The following RGS22 variants were observed in gnomAD, a reference collection of about 807,000 sequenced individuals.
RGS22 encodes the protein regulator of G-protein signaling 22.
Under a neutral mutation model 172.9 loss-of-function variants are expected in RGS22, and 148 were observed. That is an observed-to-expected ratio of 0.86 (90% confidence interval 0.75 to 0.98). RGS22 has a LOEUF of 0.98. Among genes scored for constraint, RGS22 ranks in the 50% least tolerant of loss-of-function variants. The pLI is 0.00. For missense variants in RGS22, 1,347 were observed against 1,440.8 expected (o/e 0.93, Z 1.05); for synonymous variants, 458 against 480.2 (o/e 0.95, Z 0.60).
chr8:99,979,645 A>C (rs1435544342), intron 22 of RGS22, among the ~76,000 whole-genome samples: 2 of 152,214 alleles, frequency 1.3e-5, no homozygotes, highest in African/African-American at 4.8e-5. Flanking sequence ...TAAAACTGTC[A>C]GCAGTTTTAA....
At chr8:99,993,585 TA>T (rs1241822117) in intron 20 of RGS22, among the ~76,000 whole-genome samples, 4 of 152,124 alleles carry the variant, frequency 2.6e-5, no homozygotes, top group Admixed American at 2.6e-4. Context: ...AATCTCTGAA[TA>T]GACCAAAAAC....
At chr8:99,980,176 T>C (rs555624823) in intron 22 of RGS22, among the ~76,000 whole-genome samples, 1 of 152,290 alleles carries the variant, frequency 6.6e-6, no homozygotes, top group African/African-American at 2.4e-5. Flanking sequence ...GCAATCCTCC[T>C]GCCTTGGCCT....
chr8:100,094,880 G>C, intron 2 of RGS22, among the ~76,000 whole-genome samples: 1 of 152,148 alleles, frequency 6.6e-6, no homozygotes, highest in Non-Finnish European at 1.5e-5. Flanking sequence ...AATAAGGGTG[G>C]CCAAATTTGG....
chr8:100,066,308 G>C lies in RGS22; in HGVS notation c.595-12C>G. 1 of 1,609,886 alleles carries C rather than the reference G, an allele frequency of 6.2e-7. No homozygotes were observed. The highest frequency in any genetic ancestry group is 1.1e-5 in the South Asian group (1 of 90,770). On this transcript the variant is annotated splice_polypyrimidine_tract_variant and intron_variant, in intron 6 of 27. Coordinates refer to ENST00000360863, the MANE Select transcript of RGS22 (RefSeq NM_015668.5). ...TGAGTATAGGAAGCCTAGGAAGAAG[G>C]GAGCATATTAGTTTAACATATGATT...
chr8:100,041,453 G>T (rs1820104710), intron 12 of RGS22, among the ~76,000 whole-genome samples: 1 of 149,808 alleles, frequency 6.7e-6, no homozygotes, highest in Non-Finnish European at 1.5e-5. Context: ...CCATGCCACG[G>T]CACTCCAGCC....
At chr8:100,001,217 T>TACAC (rs1367620798) in intron 18 of RGS22, among the ~76,000 whole-genome samples, 8 of 124,384 alleles carry the variant, frequency 6.4e-5, no homozygotes, top group Admixed American at 1.7e-4. Context: ...TATATATATA[T>TACAC]ATACATATAT....
intron 14 of RGS22, among the ~76,000 whole-genome samples, chr8:100,033,457 G>A (rs1819075366): frequency 6.6e-6 from 1 of 151,178 alleles, no homozygotes; most frequent in African/African-American, 2.4e-5. Context: ...ACCCTCCCAA[G>A]ACTAAACCAG....
At chr8:99,984,558 G>A (rs1812875218) in intron 21 of RGS22, among the ~76,000 whole-genome samples, 1 of 151,986 alleles carries the variant, frequency 6.6e-6, no homozygotes, top group African/African-American at 2.4e-5. Context: ...CTCAGTCCAG[G>A]AGAGATGTCC....
rs1487921406 is a variant in RGS22, at chr8:100,091,342, T to C, written c.117+2105A>G. 3.5e-5 allele frequency among the ~76,000 whole-genome samples: 5 copies of C among 144,480 alleles called. No individual in the cohort carries two copies. The East Asian group carries it at 8.0e-4, about 23-fold the overall frequency. 94.8% of individuals were successfully genotyped at this position (144,480 alleles called of 152,430 possible). A position where few individuals can be genotyped will look rare whatever the true frequency, so the allele number is the denominator to read the frequency against. On this transcript the variant is annotated intron_variant, in intron 3 of 27. Transcript: ENST00000360863. ...GTAAAAACAGAAGGATTTGGAGAGA[T>C]GGAAAACAGGAAAAAGGCAGCCCAG... is the stretch of plus-strand genomic sequence containing the variant.
At chr8:100,032,937 A>C (rs1819001722) in intron 14 of RGS22, among the ~76,000 whole-genome samples, 1 of 152,224 alleles carries the variant, frequency 6.6e-6, no homozygotes, top group Non-Finnish European at 1.5e-5. Context: ...TAACGAAATG[A>C]AGGCAGAAAT....
At chr8:100,056,194 C>T (rs1197133985) in intron 9 of RGS22, among the ~76,000 whole-genome samples, 1 of 152,092 alleles carries the variant, frequency 6.6e-6, no homozygotes, top group Admixed American at 6.5e-5. Flanking sequence ...TTTGCCCCTG[C>T]CCCAGAGATC....
rs774883606 is a variant in RGS22 at position 100,047,494 on chromosome 8, C to T, written c.1792G>A (p.Gly598Ser). The T allele has an allele frequency of 1.2e-6, 2 of 1,605,500 alleles. No homozygotes were observed. The highest frequency in any genetic ancestry group is 2.3e-5 in the South Asian group (2 of 88,884). Residue 598 changes from glycine to serine, a missense_variant, in exon 11 of 28, where the codon GGT (glycine) becomes AGT (serine). Transcript: ENST00000360863. Reference sequence around the variant, plus strand: ...TCAATCACATCATCCTTAGAAGAACCTGGATACAAAAGCTCCCGCTTCCAA... The same window carrying T: ...TCAATCACATCATCCTTAGAAGAACTTGGATACAAAAGCTCCCGCTTCCAA... ...KPWKRELLYP[G>S]SSKDDVIEKG...
chr8:100,027,857 C>T (rs1214981457), intron 14 of RGS22, among the ~76,000 whole-genome samples: 1 of 152,112 alleles, frequency 6.6e-6, no homozygotes, highest in Non-Finnish European at 1.5e-5. Context: ...TTCCCATTTT[C>T]CTTCCTCATT....
chr8:100,021,393 C>A (rs1272231175), intron 14 of RGS22, among the ~76,000 whole-genome samples: 1 of 152,128 alleles, frequency 6.6e-6, no homozygotes, highest in Non-Finnish European at 1.5e-5. Context: ...CAAAACTAAG[C>A]TTCAAATATT....
intron 15 of RGS22, among the ~76,000 whole-genome samples, 182 bp downstream of exon 15, chr8:100,008,193 A>G (rs1249041363): frequency 6.6e-6 from 1 of 151,622 alleles, no homozygotes. Context: ...GCCCACCACC[A>G]CGCCTGGCTA....
intron 18 of RGS22, among the ~76,000 whole-genome samples, chr8:100,001,202 T>TTATATATATATATATATATACG (rs140189906): frequency 8.0e-6 from 1 of 124,780 alleles, no homozygotes; most frequent in African/African-American, 3.1e-5. Flanking sequence ...TCCCAATTTT[T>TTATATATATATATATATATACG]TATATATATA....
rs771652823 is a variant in RGS22, at chr8:99,977,949, A to AT, written c.3486dup (p.Leu1163IlefsTer32). On this transcript the variant is annotated frameshift_variant, in exon 23 of 28. Coordinates refer to ENST00000360863, the MANE Select transcript of RGS22 (RefSeq NM_015668.5). LOFTEE classifies it high-confidence loss of function. Reference sequence around the variant, plus strand: ...GATTTTTCGTCTTCTAGGACTGCCAATTTTTTTTTCTGCTTATTATATTCT... The same window carrying AT: ...GATTTTTCGTCTTCTAGGACTGCCAATTTTTTTTTTCTGCTTATTATATTCT... The AT allele has an allele frequency of 3.0e-4, 457 of 1,542,478 alleles. No individual in the cohort carries two copies. Among genetic ancestry groups the AT allele is most frequent in the Admixed American group, 9.3e-4 (42 of 45,360 alleles).
intron 23 of RGS22, among the ~76,000 whole-genome samples, chr8:99,976,482 C>T (rs1446702366): frequency 6.6e-6 from 1 of 152,150 alleles, no homozygotes; most frequent in African/African-American, 2.4e-5. Flanking sequence ...CTGCCTCAGC[C>T]TCCCAAGTAG....
At chr8:100,015,284 T>C (rs1374636645) in intron 14 of RGS22, among the ~76,000 whole-genome samples, 1 of 151,110 alleles carries the variant, frequency 6.6e-6, no homozygotes, top group African/African-American at 2.4e-5. Flanking sequence ...TCCAGTTTTC[T>C]TTTCTTTTCT....
Sources: gnomAD v4.1 joint callset for allele counts (sites outside exome capture counted in the v4.1 genomes callset) on GRCh38, gnomAD v4.1.1 for gene constraint, MANE v1.5 for transcripts, NCBI Gene and HGNC (gene_info 2026-07-23, HGNC 2026-07-21) for gene names.